CHD9: variants seen among roughly 807,000 people sequenced by gnomAD.
CHD9 encodes the protein chromodomain helicase DNA binding protein 9, also known as ATP-dependent chromatin remodeler CHD9.
CHD9 carries 77 observed loss-of-function variants against 316.1 expected under a neutral mutation model. The observed-to-expected ratio is 0.24, with a 90% CI of 0.20 to 0.29. The LOEUF (loss-of-function observed/expected upper bound fraction) is 0.29, where lower values mean the gene tolerates loss of function less well. Among genes scored for constraint, CHD9 ranks in the 10% least tolerant of loss-of-function variants. CHD9 has a pLI of 1.00. For missense variants in CHD9, 2,763 were observed against 3,438.1 expected (o/e 0.80, Z 4.91); for synonymous variants, 1,129 against 1,158.3 (o/e 0.97, Z 0.51).
At chr16:53,197,979 ACT>A (rs1050263983) in intron 2 of CHD9, among the ~76,000 whole-genome samples, 1 of 151,216 alleles carries the variant, frequency 6.6e-6, no homozygotes, top group East Asian at 1.9e-4. Flanking sequence ...TTTGGTTTGA[ACT>A]CTTTCTGTGA....
chr16:53,079,315 A>C (rs2034814195), intron 1 of CHD9, among the ~76,000 whole-genome samples: 1 of 152,204 alleles, frequency 6.6e-6, no homozygotes, highest in Non-Finnish European at 1.5e-5. Context: ...CTAGAGCTGT[A>C]TATTGCACAC....
chr16:53,149,087 A>G (rs1466532663), intron 1 of CHD9, among the ~76,000 whole-genome samples: 2 of 152,098 alleles, frequency 1.3e-5, no homozygotes, highest in African/African-American at 4.8e-5. Context: ...TGTTATCGAT[A>G]TTTAGGTTTA....
chr16:53,060,518 G>A lies in CHD9; in HGVS notation c.-165+5441G>A, dbSNP rs149725950. ...CACACCTGTAATTCCAGAACTTTGG[G>A]GGGCTGAGGTGGGAGGATTACTTGA... On this transcript the variant is annotated intron_variant, in intron 1 of 38. Transcript: ENST00000447540. 1.3e-3 allele frequency among the ~76,000 whole-genome samples: 191 copies of A among 151,612 alleles called. 1 individual carries two copies. Among genetic ancestry groups the A allele is most frequent in the Admixed American group, 3.7e-3 (57 of 15,200 alleles).
intron 1 of CHD9, among the ~76,000 whole-genome samples, chr16:53,153,516 A>G (rs1270697792): frequency 6.6e-6 from 1 of 152,056 alleles, no homozygotes; most frequent in Non-Finnish European, 1.5e-5. Context: ...TTTTAAAAGT[A>G]ATTTCCTTGG....
At chr16:53,261,565 T>TG (rs1369858689) in intron 19 of CHD9, among the ~76,000 whole-genome samples, 5 of 151,928 alleles carry the variant, frequency 3.3e-5, no homozygotes, top group Non-Finnish European at 7.4e-5. Context: ...ATTACAGAGA[T>TG]GGGGTCTCAC....
intron 2 of CHD9, among the ~76,000 whole-genome samples, chr16:53,190,553 C>A (rs1440494901): frequency 6.6e-6 from 1 of 151,920 alleles, no homozygotes; most frequent in African/African-American, 2.4e-5. Context: ...ACTTGTTATG[C>A]CTTTGGTTAT....
At chr16:53,142,671 A>T (rs1250421355) in intron 1 of CHD9, among the ~76,000 whole-genome samples, 1 of 152,214 alleles carries the variant, frequency 6.6e-6, no homozygotes, top group African/African-American at 2.4e-5. Flanking sequence ...TAGAATTTGA[A>T]TCCACACCTA....
chr16:53,200,864 A>T (rs2045394407), intron 2 of CHD9, among the ~76,000 whole-genome samples: 1 of 152,234 alleles, frequency 6.6e-6, no homozygotes, highest in South Asian at 2.1e-4. Flanking sequence ...CTCTGATATG[A>T]TGTACTGAGA....
chr16:53,181,203 G>A lies in CHD9; in HGVS notation c.1452+23662G>A, dbSNP rs182648645. Among the ~76,000 whole-genome samples the A allele has an allele frequency of 2.6e-4, 39 of 152,164 alleles. No individual in the cohort carries two copies. The East Asian group carries it at 4.1e-3, about 16-fold the overall frequency. On this transcript the variant is annotated intron_variant, in intron 2 of 38. Transcript: ENST00000447540. ...TTTTTGTATTTTTAGTAGACATGGCGTTTCTCCATGTTGGTCAGGCTGGTC... is the reference window on the plus strand; with the variant it reads ...TTTTTGTATTTTTAGTAGACATGGCATTTCTCCATGTTGGTCAGGCTGGTC...
chr16:53,305,072 G>GT (rs1473482350), intron 31 of CHD9, among the ~76,000 whole-genome samples: 1 of 148,924 alleles, frequency 6.7e-6, no homozygotes, highest in African/African-American at 2.5e-5. Flanking sequence ...TGCTTACAGT[G>GT]TTTTTTTGAA....
intron 5 of CHD9, among the ~76,000 whole-genome samples, chr16:53,226,975 T>C (rs2047710495): frequency 1.3e-5 from 2 of 152,170 alleles, no homozygotes; most frequent in African/African-American, 2.4e-5. Context: ...ATGCCATATG[T>C]GCTTCCCTCG....
rs11321027 is a variant in CHD9, at chr16:53,248,335, CAA to C, written c.3665+847_3665+848del. On this transcript the variant is annotated intron_variant, in intron 16 of 38. Transcript: ENST00000447540. ...TGGGCGACAGAGCGAAACTCTGTCTCAAAAAAAAAAAAAAAATTGTCTAATCA... is the reference window on the plus strand; with the variant it reads ...TGGGCGACAGAGCGAAACTCTGTCTCAAAAAAAAAAAAAATTGTCTAATCA... 5.6e-4 allele frequency among the ~76,000 whole-genome samples: 65 copies of C among 116,300 alleles called. 1 individual carries two copies. Among genetic ancestry groups the C allele is most frequent in the African/African-American group, 7.8e-4 (26 of 33,152 alleles). 76.3% of individuals were successfully genotyped at this position (116,300 alleles called of 152,430 possible).
chr16:53,119,129 A>G (rs2038547884), intron 1 of CHD9, among the ~76,000 whole-genome samples: 1 of 152,090 alleles, frequency 6.6e-6, no homozygotes, highest in South Asian at 2.1e-4. Context: ...CCAACCTGAA[A>G]AAAAGGGACA....
chr16:53,076,155 C>T (rs958357915), intron 1 of CHD9, among the ~76,000 whole-genome samples: 1 of 152,144 alleles, frequency 6.6e-6, no homozygotes, highest in Admixed American at 6.5e-5. Context: ...GGCTATTAAT[C>T]CTCCATCAGA....
At chr16:53,218,670 A>G (rs2046975188) in intron 3 of CHD9, among the ~76,000 whole-genome samples, 1 of 152,210 alleles carries the variant, frequency 6.6e-6, no homozygotes, top group African/African-American at 2.4e-5. Flanking sequence ...ATTTGAATGA[A>G]TAAGATATTG....
intron 1 of CHD9, among the ~76,000 whole-genome samples, chr16:53,134,959 T>C (rs1450777854): frequency 2.0e-5 from 3 of 152,172 alleles, no homozygotes; most frequent in African/African-American, 7.2e-5. Context: ...TTACAACTTA[T>C]GATCAGTTCA....
intron 2 of CHD9, among the ~76,000 whole-genome samples, chr16:53,204,019 ATC>A: frequency 9.7e-6 from 1 of 102,650 alleles, no homozygotes. Flanking sequence ...GCAAGACTCC[ATC>A]TCAAAAAAAA....
At chr16:53,259,094 A>G (rs1366771657) in intron 19 of CHD9, among the ~76,000 whole-genome samples, 2 of 152,190 alleles carry the variant, frequency 1.3e-5, no homozygotes, top group Non-Finnish European at 2.9e-5. Context: ...AGGGGGAACT[A>G]GGATATTAGG....
At chr16:53,226,134 C>T (rs1175016270) in intron 4 of CHD9, among the ~76,000 whole-genome samples, 1 of 151,858 alleles carries the variant, frequency 6.6e-6, no homozygotes, top group Non-Finnish European at 1.5e-5. Flanking sequence ...AAAAGTATTA[C>T]TAATATTTGT....
Sources: gnomAD v4.1 joint callset for allele counts (sites outside exome capture counted in the v4.1 genomes callset) on GRCh38, gnomAD v4.1.1 for gene constraint, MANE v1.5 for transcripts, NCBI Gene and HGNC (gene_info 2026-07-23, HGNC 2026-07-21) for gene names.